Variants in LRP1B observed in about 807,000 individuals in gnomAD.
LRP1B encodes LDL receptor related protein 1B, also known as low-density lipoprotein receptor-related protein 1B.
Under a neutral mutation model 556.6 loss-of-function variants are expected in LRP1B, and 217 were observed. That is an observed-to-expected ratio of 0.39 (90% CI 0.35 to 0.44). LRP1B has a LOEUF of 0.44. Ranked by LOEUF, LRP1B falls within the 20% of genes least tolerant of loss-of-function variation. The pLI, the probability that LRP1B is intolerant of heterozygous loss-of-function variation, is 1.00. For missense variants in LRP1B, 5,053 were observed against 5,620.8 expected (o/e 0.90, Z 3.23); for synonymous variants, 2,047 against 1,865.8 (o/e 1.10, Z -2.50).
intron 77 of LRP1B, 50 bp downstream of exon 77, chr2:140,350,747 C>T (rs370976268): frequency 8.4e-6 from 13 of 1,549,378 alleles, no homozygotes; most frequent in Non-Finnish European, 1.1e-5. Context: ...GTTTAAAAAG[C>T]AGGTGGGGAA....
intron 3 of LRP1B, among the ~76,000 whole-genome samples, chr2:141,270,602 G>T (rs1685054112): frequency 1.3e-5 from 2 of 151,948 alleles, no homozygotes; most frequent in African/African-American, 4.8e-5. Context: ...CATTATGCAG[G>T]CTTAACAAAA....
intron 1 of LRP1B, among the ~76,000 whole-genome samples, chr2:141,860,474 A>G (rs1698202408): frequency 6.6e-6 from 1 of 152,144 alleles, no homozygotes. Context: ...AAAGCAATTT[A>G]CCTTTACTAG....
chr2:140,774,021 A>C (rs1361161684), intron 33 of LRP1B, among the ~76,000 whole-genome samples: 2 of 152,058 alleles, frequency 1.3e-5, no homozygotes, highest in Admixed American at 6.6e-5. Flanking sequence ...AGAATTCTCA[A>C]CTCTCCAGTG....
At chr2:140,875,890 T>C (rs1467728207) in intron 25 of LRP1B, among the ~76,000 whole-genome samples, 1 of 152,158 alleles carries the variant, frequency 6.6e-6, no homozygotes, top group Admixed American at 6.6e-5. Context: ...AATTGTTATA[T>C]TAAATTATTG....
At chr2:140,886,364 T>G in intron 23 of LRP1B, 29 bp from the exon 24 acceptor site, 1 of 1,248,728 alleles carries the variant, frequency 8.0e-7, no homozygotes, top group South Asian at 1.5e-5. Flanking sequence ...TTAATAGGCT[T>G]ATGAAAATGT....
At chr2:140,777,143 T>C (rs559151994) in intron 32 of LRP1B, among the ~76,000 whole-genome samples, 1 of 152,302 alleles carries the variant, frequency 6.6e-6, no homozygotes, top group Non-Finnish European at 1.5e-5. Context: ...TCAAGAAGAA[T>C]AGAATTAATG....
Position 140,475,326 on chromosome 2 carries a change from C to A in LRP1B, c.9437G>T (p.Trp3146Leu), listed in dbSNP as rs2105348242. The A allele has an allele frequency of 6.2e-7, 1 of 1,600,440 alleles. No homozygotes were observed. The highest frequency in any genetic ancestry group is 1.7e-5 in the Admixed American group (1 of 58,242). Residue 3146 changes from tryptophan to leucine, a missense_variant, in exon 60 of 91, where the codon TGG (tryptophan) becomes TTG (leucine). Physicochemically the swap from Trp to Leu is moderately conservative, Grantham distance 61. This residue lies in a region of LRP1B where 3,619 missense variants were observed against 3,931.9 expected (regional missense o/e 0.92). Coordinates refer to ENST00000389484, the MANE Select transcript of LRP1B (RefSeq NM_018557.3). ...SLDPQAGYLY[W>L]IDCCEYPHIG... ...ATGAGGATACTCGCAGCAGTCAATC[C>A]AATACAAATATCTAGGAAAGAAAAT...
At chr2:141,419,635 G>A (rs1269171394) in intron 3 of LRP1B, among the ~76,000 whole-genome samples, 1 of 151,770 alleles carries the variant, frequency 6.6e-6, no homozygotes, top group East Asian at 1.9e-4. Flanking sequence ...TTTCATTTCT[G>A]ATTTTATGAG....
chr2:140,919,830 C>T lies in LRP1B; in HGVS notation c.3319+3135G>A, dbSNP rs183298115. Among the ~76,000 whole-genome samples the T allele has an allele frequency of 4.6e-5, 7 of 152,166 alleles. No individual in the cohort carries two copies. The East Asian group carries it at 1.4e-3, about 29-fold the overall frequency. On this transcript the variant is annotated intron_variant, in intron 21 of 90. Coordinates refer to ENST00000389484, the MANE Select transcript of LRP1B (RefSeq NM_018557.3). ...TCAGAGTGTAAACTTGAAGTCTCACCTTCACATGAATTCCTTTTTTATTGT... is the reference window on the plus strand; with the variant it reads ...TCAGAGTGTAAACTTGAAGTCTCACTTTCACATGAATTCCTTTTTTATTGT...
At chr2:141,155,096 T>A (rs1558897732) in intron 7 of LRP1B, among the ~76,000 whole-genome samples, 1 of 151,926 alleles carries the variant, frequency 6.6e-6, no homozygotes, top group East Asian at 1.9e-4. Flanking sequence ...GCCAGATTCT[T>A]AGACATACAG....
intron 14 of LRP1B, among the ~76,000 whole-genome samples, chr2:141,010,214 A>C (rs78122907): frequency 0.012 from 1,877 of 152,160 alleles, 46 homozygotes; most frequent in African/African-American, 0.043. Flanking sequence ...CAAAAAATCA[A>C]AGTGTGCTTT....
intron 36 of LRP1B, 135 bp from the exon 37 acceptor site, chr2:140,716,237 T>C: frequency 1.6e-6 from 1 of 621,484 alleles, no homozygotes; most frequent in Non-Finnish European, 2.7e-6. Context: ...TTTAAATGTG[T>C]TTCCTAAGCA....
chr2:141,334,929 T>A (rs904533563), intron 3 of LRP1B, among the ~76,000 whole-genome samples: 1 of 152,178 alleles, frequency 6.6e-6, no homozygotes, highest in Non-Finnish European at 1.5e-5. Flanking sequence ...GAGGTTGAAT[T>A]TGAACTCAAA....
chr2:141,250,625 G>C (rs2105333349), intron 4 of LRP1B, among the ~76,000 whole-genome samples: 1 of 152,234 alleles, frequency 6.6e-6, no homozygotes, highest in Non-Finnish European at 1.5e-5. Flanking sequence ...TACATCTGAG[G>C]AGAGGGCTGT....
intron 68 of LRP1B, among the ~76,000 whole-genome samples, chr2:140,377,859 T>G (rs1304111220): frequency 1.3e-5 from 2 of 152,164 alleles, no homozygotes; most frequent in Non-Finnish European, 2.9e-5. Flanking sequence ...CTATAAATAC[T>G]GCAGCAAATT....
chr2:140,822,631 C>T (rs552427452), intron 31 of LRP1B, among the ~76,000 whole-genome samples: 30 of 152,290 alleles, frequency 2.0e-4, no homozygotes, highest in African/African-American at 7.2e-4. Flanking sequence ...CTCCTGGCTG[C>T]TTAGAAAAGT....
At chr2:141,467,852 A>T (rs116576020) in intron 3 of LRP1B, among the ~76,000 whole-genome samples, 2,833 of 131,738 alleles carry the variant, frequency 0.022, 84 homozygotes, top group South Asian at 0.068. Flanking sequence ...GGGGGGGGGA[A>T]TTCCAGCATA....
intron 2 of LRP1B, among the ~76,000 whole-genome samples, chr2:141,714,449 C>T (rs13012268): frequency 0.22 from 28,029 of 128,008 alleles, 2,808 homozygotes; most frequent in Admixed American, 0.27. Context: ...TCTGTAGGCT[C>T]TTTTTTTTTT....
At chr2:140,622,065 C>T (rs1243656130) in intron 41 of LRP1B, among the ~76,000 whole-genome samples, 1 of 152,162 alleles carries the variant, frequency 6.6e-6, no homozygotes, top group African/African-American at 2.4e-5. Flanking sequence ...TTATTTACTT[C>T]ATCAAATTTA....
Sources: gnomAD v4.1 joint callset for allele counts (sites outside exome capture counted in the v4.1 genomes callset) on GRCh38, gnomAD v4.1.1 for gene constraint, gnomAD v4.1.1 regional missense constraint, MANE v1.5 for transcripts, NCBI Gene and HGNC (gene_info 2026-07-23, HGNC 2026-07-21) for gene names.